Variants in SLC16A7 observed in about 807,000 individuals in gnomAD.
The protein encoded by SLC16A7 is solute carrier family 16 member 7, also known as monocarboxylate transporter 2.
In SLC16A7, 33 loss-of-function variants were observed where a neutral mutation model predicts 34.9. The observed-to-expected ratio is 0.94, with a 90% CI of 0.72 to 1.26. The LOEUF is 1.26. Among genes scored for constraint, SLC16A7 ranks in the 50% most tolerant of loss-of-function variants. The pLI, the probability that SLC16A7 is intolerant of heterozygous loss-of-function variation, is 0.00. For synonymous variants in SLC16A7, 201 were observed against 206.6 expected, an observed-to-expected ratio of 0.97 and a Z score of 0.23; for missense variants, 573 against 578.1, an observed-to-expected ratio of 0.99 and a Z score of 0.09.
chr12:59,720,149 A>C, intron 3 of SLC16A7: 1 of 685,770 alleles, frequency 1.5e-6, no homozygotes, highest in Non-Finnish European at 2.6e-6. Context: ...CGCTGTCTAA[A>C]GAACACAATT....
At position 59,596,787 on chromosome 12, in the gene SLC16A7, C is replaced by T. The variant is rs1036769403; in HGVS notation, c.-130+551C>T. On this transcript the variant is annotated intron_variant, in intron 1 of 5. Transcript: ENST00000547379. This position sits in a 1 kb window ranked among gnomAD's most constrained non-coding sequence, Gnocchi z 5.0. ...AGCAGATGATCAGGACAGGAAGAGG[C>T]TGTGAGGGGAAGACGAAATACCGGG... is the stretch of plus-strand genomic sequence containing the variant. 1.3e-5 allele frequency among the ~76,000 whole-genome samples: 2 copies of T among 152,202 alleles called. No individual in the cohort carries two copies. The highest frequency in any genetic ancestry group is 2.9e-5 in the Non-Finnish European group (2 of 68,000).
At chr12:59,772,878 T>C (rs1189833344) in intron 4 of SLC16A7, among the ~76,000 whole-genome samples, 2 of 152,098 alleles carry the variant, frequency 1.3e-5, no homozygotes, top group African/African-American at 4.8e-5. Flanking sequence ...CAAAATCTTT[T>C]TGTGTTGTTA....
rs892776319 is a variant in SLC16A7 at position 59,613,800 on chromosome 12, G to A, written c.-130+17564G>A. 3.3e-5 allele frequency among the ~76,000 whole-genome samples: 5 copies of A among 152,260 alleles called. 1 individual carries two copies. Among genetic ancestry groups the A allele is most frequent in the Admixed American group, 3.3e-4 (5 of 15,296 alleles). On this transcript the variant is annotated intron_variant, in intron 1 of 5. Transcript: ENST00000547379. ...GTTTTAGACAATCAATATTTAAGTT[G>A]TAATTTACCAAAGCTAAGAGTCTAT...
At chr12:59,682,351 A>C (rs564132705) in intron 2 of SLC16A7, among the ~76,000 whole-genome samples, 1 of 152,208 alleles carries the variant, frequency 6.6e-6, no homozygotes, top group Non-Finnish European at 1.5e-5. Context: ...ATTATAAAAA[A>C]TAATTTTATG....
At chr12:59,752,736 G>T (rs1432513706) in intron 3 of SLC16A7, among the ~76,000 whole-genome samples, 3 of 152,050 alleles carry the variant, frequency 2.0e-5, no homozygotes, top group African/African-American at 4.8e-5. Flanking sequence ...CAACATTCAG[G>T]TTCAGGAAAT....
chr12:59,690,713 T>C (rs1871548928), intron 2 of SLC16A7, among the ~76,000 whole-genome samples: 1 of 151,994 alleles, frequency 6.6e-6, no homozygotes, highest in African/African-American at 2.4e-5. Flanking sequence ...TTTATAGATA[T>C]AAATTTCCCT....
intron 3 of SLC16A7, among the ~76,000 whole-genome samples, chr12:59,720,914 C>G (rs1465139415): frequency 6.6e-6 from 1 of 151,970 alleles, no homozygotes; most frequent in Non-Finnish European, 1.5e-5. Context: ...ATTTAAGTTT[C>G]TTGCATACAT....
At chr12:59,711,860 G>T (rs1473903487) in intron 3 of SLC16A7, among the ~76,000 whole-genome samples, 1 of 152,162 alleles carries the variant, frequency 6.6e-6, no homozygotes, top group Admixed American at 6.5e-5. Flanking sequence ...GATATGGAAG[G>T]TACTGGGATC....
chr12:59,630,470 T>A (rs1592410505), intron 1 of SLC16A7, among the ~76,000 whole-genome samples: 1 of 151,862 alleles, frequency 6.6e-6, no homozygotes, highest in Non-Finnish European at 1.5e-5. Flanking sequence ...ATGTGTCTGG[T>A]GAAATATCTT....
Position 59,764,509 on chromosome 12 carries a change from T to A in SLC16A7, c.218-6710T>A, listed in dbSNP as rs1282983120. Among the ~76,000 whole-genome samples, 40 of 122,650 alleles carry A rather than the reference T, an allele frequency of 3.3e-4. 1 individual carries two copies. Among genetic ancestry groups the A allele is most frequent in the African/African-American group, 1.2e-3 (38 of 32,438 alleles). 80.5% of individuals were successfully genotyped at this position (122,650 alleles called of 152,430 possible). ...CCCCCTCCACCACAACAGTCCCCGGTGTGTGATGTTCCCCTTCCTGTGTCC... is the reference window on the plus strand; with the variant it reads ...CCCCCTCCACCACAACAGTCCCCGGAGTGTGATGTTCCCCTTCCTGTGTCC... On this transcript the variant is annotated intron_variant, in intron 3 of 5. Transcript: ENST00000547379.
rs372566452 is a variant in SLC16A7 at position 59,648,174 on chromosome 12, C to T, written c.-129-6978C>T. 4.6e-4 allele frequency among the ~76,000 whole-genome samples: 70 copies of T among 152,148 alleles called. 6 individuals are homozygous for T. In the South Asian group the frequency reaches 7.3e-3, roughly 16 times the overall value. On this transcript the variant is annotated intron_variant, in intron 1 of 5. Transcript: ENST00000547379. The stretch of plus-strand genomic sequence containing the variant: ...ACTGTAATGGAGGAGAGGAAGATAC[C>T]AAGATATGTGTGAAGAGCTTACTGG...
chr12:59,752,553 GAA>G (rs1180884736), intron 3 of SLC16A7, among the ~76,000 whole-genome samples: 5 of 151,834 alleles, frequency 3.3e-5, no homozygotes, highest in African/African-American at 9.7e-5. Flanking sequence ...GAAGTTTAGA[GAA>G]AAAAGAATAA....
intron 1 of SLC16A7, among the ~76,000 whole-genome samples, chr12:59,600,141 T>C (rs922690692): frequency 2.0e-5 from 3 of 152,250 alleles, no homozygotes; most frequent in Admixed American, 6.5e-5. Flanking sequence ...AATGAGATAA[T>C]ATCTGTGAAA....
chr12:59,712,057 C>G (rs1213361769), intron 3 of SLC16A7, among the ~76,000 whole-genome samples: 28 of 152,184 alleles, frequency 1.8e-4, no homozygotes, highest in Admixed American at 1.8e-3. Context: ...AGAATATATA[C>G]ATTTATGAGT....
At chr12:59,657,723 A>G (rs1868607978) in intron 2 of SLC16A7, among the ~76,000 whole-genome samples, 1 of 151,988 alleles carries the variant, frequency 6.6e-6, no homozygotes, top group Non-Finnish European at 1.5e-5. Flanking sequence ...ATATTAATTA[A>G]TTCGACCAAC....
At chr12:59,775,831 T>C (rs937162360) in intron 5 of SLC16A7, among the ~76,000 whole-genome samples, 1 of 152,194 alleles carries the variant, frequency 6.6e-6, no homozygotes. Context: ...CGTCTGTTTA[T>C]ATTGAAATGA....
At chr12:59,728,982 T>C (rs1388330949) in intron 3 of SLC16A7, among the ~76,000 whole-genome samples, 5 of 152,230 alleles carry the variant, frequency 3.3e-5, no homozygotes, top group African/African-American at 1.2e-4. Flanking sequence ...TTCCAATTTG[T>C]CTCAACTTTC....
chr12:59,703,286 G>T (rs987585261), intron 2 of SLC16A7, among the ~76,000 whole-genome samples: 2 of 151,874 alleles, frequency 1.3e-5, no homozygotes, highest in Admixed American at 6.6e-5. Flanking sequence ...AATCAAAAGG[G>T]TTTGCCTTTT....
At chr12:59,650,062 T>C (rs1451609874) in intron 1 of SLC16A7, among the ~76,000 whole-genome samples, 1 of 152,156 alleles carries the variant, frequency 6.6e-6, no homozygotes, top group Non-Finnish European at 1.5e-5. Context: ...ATTTAGTGTT[T>C]AGGATTTATA....
Sources: allele counts gnomAD v4.1 joint callset (sites outside exome capture counted in the v4.1 genomes callset), GRCh38; gene constraint gnomAD v4.1.1; non-coding constraint Gnocchi (gnomAD v3.1); transcripts MANE v1.5; gene names NCBI Gene and HGNC (gene_info 2026-07-23, HGNC 2026-07-21).